CORIN: variants seen among roughly 807,000 people sequenced by gnomAD.
CORIN encodes atrial natriuretic peptide-converting enzyme.
CORIN carries 117 observed loss-of-function variants against 125.3 expected under a neutral mutation model. That is an observed-to-expected ratio of 0.93 (90% CI 0.80 to 1.09). CORIN has a LOEUF of 1.09. CORIN is among the 50% of genes least tolerant of loss of function. The pLI, the probability that CORIN is intolerant of heterozygous loss-of-function variation, is 0.00. For missense variants in CORIN, 1,253 were observed against 1,306.7 expected, an observed-to-expected ratio of 0.96 and a Z score of 0.63; for synonymous variants, 450 against 466.4, an observed-to-expected ratio of 0.96 and a Z score of 0.45.
At chr4:47,656,219 GA>G (rs1486968244) in intron 12 of CORIN, among the ~76,000 whole-genome samples, 2 of 145,796 alleles carry the variant, frequency 1.4e-5, no homozygotes, top group African/African-American at 5.1e-5. Context: ...GCAATGGCAT[GA>G]TCTTGGCTCA....
intron 4 of CORIN, among the ~76,000 whole-genome samples, chr4:47,760,506 G>T (rs1031087043): frequency 6.6e-6 from 1 of 152,100 alleles, no homozygotes; most frequent in African/African-American, 2.4e-5. Context: ...CCATTCCATT[G>T]GTCTATCAGT....
intron 5 of CORIN, among the ~76,000 whole-genome samples, chr4:47,725,762 A>T (rs976211237): frequency 6.6e-6 from 1 of 152,102 alleles, no homozygotes; most frequent in African/African-American, 2.4e-5. Context: ...TGGTAAATAA[A>T]ATCATTTGTT....
intron 6 of CORIN, among the ~76,000 whole-genome samples, chr4:47,687,570 C>G (rs1463635914): frequency 6.6e-6 from 1 of 152,054 alleles, no homozygotes; most frequent in African/African-American, 2.4e-5. Context: ...ATTCTTGTCT[C>G]TCAAAATTAT....
In CORIN at chr4:47,691,438, G is replaced by A. The variant is rs533007333; in HGVS notation, c.913+1532C>T. On this transcript the variant is annotated intron_variant, in intron 6 of 21. Transcript: ENST00000273857. ...GTTTTTATGTAAAATTGTGTGCCATGCGTTGTTTTGAAAAGAAAATTCCAA... is the reference window on the plus strand; with the variant it reads ...GTTTTTATGTAAAATTGTGTGCCATACGTTGTTTTGAAAAGAAAATTCCAA... Among the ~76,000 whole-genome samples, 5 of 152,294 alleles carry A rather than the reference G, an allele frequency of 3.3e-5. No individual in the cohort carries two copies. The East Asian group carries it at 9.6e-4, about 29-fold the overall frequency.
intron 2 of CORIN, among the ~76,000 whole-genome samples, chr4:47,788,519 C>A (rs1221127695): frequency 6.6e-6 from 1 of 152,088 alleles, no homozygotes; most frequent in Admixed American, 6.5e-5. Context: ...TGAAGGAATT[C>A]ATTTAATTGT....
At chr4:47,761,302 T>G (rs1729444352) in intron 4 of CORIN, among the ~76,000 whole-genome samples, 1 of 152,204 alleles carries the variant, frequency 6.6e-6, no homozygotes, top group South Asian at 2.1e-4. Context: ...ATGCCACTCT[T>G]CCCTTCACCT....
chr4:47,639,221 C>A (rs536245004), intron 16 of CORIN, among the ~76,000 whole-genome samples: 20 of 152,296 alleles, frequency 1.3e-4, no homozygotes, highest in African/African-American at 4.3e-4. Context: ...AGTGATACAA[C>A]AAATTTATAC....
intron 3 of CORIN, among the ~76,000 whole-genome samples, chr4:47,764,393 C>T (rs1729611189): frequency 1.3e-5 from 2 of 152,104 alleles, no homozygotes; most frequent in African/African-American, 4.8e-5. Flanking sequence ...CTGGTTGACC[C>T]GATATAAACA....
At chr4:47,635,206 G>T (rs1466461452) in intron 16 of CORIN, among the ~76,000 whole-genome samples, 8 of 152,194 alleles carry the variant, frequency 5.3e-5, no homozygotes, top group African/African-American at 1.9e-4. Context: ...ATGCTTAGAG[G>T]TTAATGAGGT....
chr4:47,643,736 C>T (rs756621910), intron 14 of CORIN, among the ~76,000 whole-genome samples: 4 of 152,094 alleles, frequency 2.6e-5, no homozygotes, highest in African/African-American at 4.8e-5. Flanking sequence ...TAGTAAATCT[C>T]CTTGATTGCC....
At chr4:47,753,201 G>C (rs1728984231) in intron 4 of CORIN, among the ~76,000 whole-genome samples, 1 of 152,130 alleles carries the variant, frequency 6.6e-6, no homozygotes, top group African/African-American at 2.4e-5. Context: ...ACTTTAAAAG[G>C]GGTGGGGGTG....
chr4:47,695,760 G>A (rs1434512586), intron 5 of CORIN, among the ~76,000 whole-genome samples: 1 of 152,088 alleles, frequency 6.6e-6, no homozygotes, highest in African/African-American at 2.4e-5. Flanking sequence ...TTCTTAACCT[G>A]TATTCAGAAT....
chr4:47,712,175 CATT>C, intron 5 of CORIN, among the ~76,000 whole-genome samples: 1 of 152,166 alleles, frequency 6.6e-6, no homozygotes, highest in East Asian at 1.9e-4. Context: ...TTATTACTGA[CATT>C]ATTAAACCGG....
chr4:47,632,932 G>T (rs13127775), intron 16 of CORIN, among the ~76,000 whole-genome samples: 20,810 of 151,796 alleles, frequency 0.14, 1,891 homozygotes, highest in East Asian at 0.47. Flanking sequence ...AGGCTCATGC[G>T]ACCACGCCCG....
chr4:47,643,586 T>C (rs906692387), intron 14 of CORIN, among the ~76,000 whole-genome samples: 5 of 152,120 alleles, frequency 3.3e-5, no homozygotes, highest in Non-Finnish European at 2.9e-5. Context: ...GAGCAGAGCA[T>C]GAGGGATGAA....
At chr4:47,781,810 C>T (rs999554595) in intron 3 of CORIN, among the ~76,000 whole-genome samples, 5 of 151,482 alleles carry the variant, frequency 3.3e-5, no homozygotes, top group Non-Finnish European at 5.9e-5. Context: ...TGGTGGCATG[C>T]GCCTGTAGTC....
intron 5 of CORIN, among the ~76,000 whole-genome samples, chr4:47,700,326 A>G (rs1209473349): frequency 6.6e-6 from 1 of 152,196 alleles, no homozygotes; most frequent in Admixed American, 6.5e-5. Context: ...GTAAGAAGTG[A>G]CACCTGGACC....
intron 5 of CORIN, among the ~76,000 whole-genome samples, chr4:47,711,198 C>G (rs571345681): frequency 9.2e-5 from 14 of 152,294 alleles, no homozygotes; most frequent in African/African-American, 3.1e-4. Flanking sequence ...CCACACCCAC[C>G]AAAGTCCATC....
chr4:47,604,030 A>G (rs367742197), intron 19 of CORIN, among the ~76,000 whole-genome samples: 30 of 152,324 alleles, frequency 2.0e-4, no homozygotes, highest in East Asian at 1.5e-3. Flanking sequence ...CAAGACTAAG[A>G]GATTCCTCCA....
Sources: allele counts gnomAD v4.1 joint callset (sites outside exome capture counted in the v4.1 genomes callset), GRCh38; gene constraint gnomAD v4.1.1; transcripts MANE v1.5; gene names NCBI Gene and HGNC (gene_info 2026-07-23, HGNC 2026-07-21).